The following PSKH1 variants were observed in gnomAD, a reference collection of about 807,000 sequenced individuals.
The protein encoded by PSKH1 is serine/threonine-protein kinase H1.
Under a neutral mutation model 26.7 loss-of-function variants are expected in PSKH1, and 12 were observed. The ratio of observed to expected loss-of-function variants is 0.45; its 90% CI spans 0.29 to 0.73. The LOEUF (loss-of-function observed/expected upper bound fraction) is 0.73, where lower values mean the gene tolerates loss of function less well. Among genes scored for constraint, PSKH1 ranks in the 30% least tolerant of loss-of-function variants. The probability of loss-of-function intolerance (pLI) is 0.11; values close to 1 mark genes in which losing one functional copy is unlikely to be tolerated. For missense variants in PSKH1, 431 were observed against 595.2 expected (o/e 0.72, Z 2.87); for synonymous variants, 213 against 234.3 (o/e 0.91, Z 0.83).
intron 1 of PSKH1, among the ~76,000 whole-genome samples, chr16:67,903,492 G>T (rs2151311025): frequency 6.6e-6 from 1 of 152,088 alleles, no homozygotes; most frequent in Admixed American, 6.6e-5. Flanking sequence ...TTTTGAGATG[G>T]AGTCTTGCTC....
In PSKH1 at chr16:67,908,723, G is replaced by A. The variant is rs747469567; in HGVS notation, c.-27G>A. The A allele has an allele frequency of 1.1e-5, 17 of 1,551,736 alleles. No individual in the cohort carries two copies. Among genetic ancestry groups the A allele is most frequent in the African/African-American group, 5.4e-5 (4 of 73,710 alleles). On this transcript the variant is annotated 5_prime_UTR_variant, in exon 2 of 3. Transcript: ENST00000291041. ...CTTCAGAGCAGGTCCTGCCAGCCTC[G>A]CTGGAGAGGATGCCCTCGTGTCCGT...
chr16:67,899,156 T>C (rs907055117), intron 1 of PSKH1, among the ~76,000 whole-genome samples: 5 of 152,260 alleles, frequency 3.3e-5, no homozygotes, highest in African/African-American at 1.2e-4. Flanking sequence ...CAAACTTACT[T>C]TGGCATTCAG....
At chr16:67,900,965 C>G (rs927498768) in intron 1 of PSKH1, among the ~76,000 whole-genome samples, 1 of 152,146 alleles carries the variant, frequency 6.6e-6, no homozygotes, top group Admixed American at 6.5e-5. Flanking sequence ...TTCCTAGGAG[C>G]TTTACCAGCC....
chr16:67,918,642 A>C (rs1156349645), intron 2 of PSKH1, among the ~76,000 whole-genome samples: 1 of 138,992 alleles, frequency 7.2e-6, no homozygotes, highest in Admixed American at 7.6e-5. Flanking sequence ...CCCAGGCTGG[A>C]GTGCAGTGGT....
At chr16:67,923,611 G>A (rs1013270305) in intron 2 of PSKH1, among the ~76,000 whole-genome samples, 1 of 152,228 alleles carries the variant, frequency 6.6e-6, no homozygotes, top group East Asian at 1.9e-4. Context: ...TTCCCTCTGT[G>A]CCTCGTGCTC....
At chr16:67,905,072 C>T (rs976458946) in intron 1 of PSKH1, among the ~76,000 whole-genome samples, 4 of 151,566 alleles carry the variant, frequency 2.6e-5, no homozygotes, top group African/African-American at 4.9e-5. Flanking sequence ...ATGATCCACC[C>T]GCCTCGGCCT....
rs1326686509 is a variant in PSKH1 at position 67,908,833 on chromosome 16, T to C, written c.84T>C (p.Ser28=). The C allele has an allele frequency of 1.2e-6, 2 of 1,613,948 alleles. No individual in the cohort carries two copies. Among genetic ancestry groups the C allele is most frequent in the African/African-American group, 2.7e-5 (2 of 74,930 alleles). Residue 28 remains serine, a synonymous_variant, in exon 2 of 3, where the codon AGT becomes AGC. Coordinates refer to ENST00000291041, the MANE Select transcript of PSKH1 (RefSeq NM_006742.3). ...TGGTCAAGAAGGTGGAGCCCTTCAGTGGCACTAAGAGTGACGTGTACAAGC... is the reference window on the plus strand; with the variant it reads ...TGGTCAAGAAGGTGGAGCCCTTCAGCGGCACTAAGAGTGACGTGTACAAGC... ...LDLVKKVEPF[S]GTKSDVYKHF...
intron 2 of PSKH1, among the ~76,000 whole-genome samples, chr16:67,915,917 G>T (rs1567400732): frequency 1.3e-5 from 2 of 152,338 alleles, no homozygotes; most frequent in South Asian, 2.1e-4. Context: ...TATCCCTAGA[G>T]GTTGAGATTG....
At position 67,928,484 on chromosome 16, in the gene PSKH1, G is replaced by A. The variant is rs1265041923; in HGVS notation, c.*842G>A. The A allele has an allele frequency of 6.6e-6, 1 of 152,662 alleles. No individual in the cohort carries two copies. The highest frequency in any genetic ancestry group is 1.5e-5 in the Non-Finnish European group (1 of 68,050). 9.5% of individuals were successfully genotyped at this position (152,662 alleles called of 1,614,324 possible). A position where few individuals can be genotyped will look rare whatever the true frequency, so the allele number is the denominator to read the frequency against. ...TCCTTCCCAACTGGGGGTGGTTAAA[G>A]GGAGCCCCACTGCTGCTACCTGGGG... On this transcript the variant is annotated 3_prime_UTR_variant, in exon 3 of 3. Transcript: ENST00000291041. This position sits in a 1 kb window ranked among gnomAD's most constrained non-coding sequence, Gnocchi z 4.8.
chr16:67,921,680 T>C (rs992629206), intron 2 of PSKH1, among the ~76,000 whole-genome samples: 4 of 152,080 alleles, frequency 2.6e-5, no homozygotes, highest in African/African-American at 7.2e-5. Flanking sequence ...ATAAAAGAGA[T>C]CACGCTGCAG....
At chr16:67,914,083 G>C (rs1468942770) in intron 2 of PSKH1, among the ~76,000 whole-genome samples, 2 of 152,192 alleles carry the variant, frequency 1.3e-5, no homozygotes, top group African/African-American at 2.4e-5. Context: ...GACCCTGCAG[G>C]GTACTTGGGA....
Position 67,927,446 on chromosome 16 carries a change from C to A in PSKH1, c.1079C>A (p.Ala360Asp), listed in dbSNP as rs1273563995. 6.2e-7 allele frequency: 1 copy of A among 1,614,112 alleles called. No homozygotes were observed. Among genetic ancestry groups the A allele is most frequent in the Non-Finnish European group, 8.5e-7 (1 of 1,180,046 alleles). The change falls in exon 3 of 3, where the codon GCC becomes GAC. Residue 360 changes from alanine (A) to aspartate (D), a missense_variant. Ala to Asp is a moderately radical substitution (Grantham distance 126). Transcript: ENST00000291041. This position sits in a 1 kb window ranked among gnomAD's most constrained non-coding sequence, Gnocchi z 5.5. ...CACCCGTGGGTGGTGAGCATGGCTG[C>A]CTCTTCATCCATGAAGAACCTGCAC... ...LRHPWVVSMA[A>D]SSSMKNLHRS...
At position 67,927,327 on chromosome 16, in the gene PSKH1, C is replaced by T. The variant is rs763505814; in HGVS notation, c.960C>T (p.Pro320=). ...TAATGCTTGTCCTTGGTCTCTAGCC[C>T]TGGCCTAGTGTGTCCAACCTGGCCA... ...LRGKYSYSGE[P]WPSVSNLAKD... The change falls in exon 3 of 3, where the codon CCC becomes CCT. Residue 320 remains proline (P), a splice_region_variant and synonymous_variant. Coordinates refer to ENST00000291041, the MANE Select transcript of PSKH1 (RefSeq NM_006742.3). This position sits in a 1 kb window ranked among gnomAD's most constrained non-coding sequence, Gnocchi z 5.5. The T allele has an allele frequency of 1.7e-5, 27 of 1,605,340 alleles. No homozygotes were observed. The highest frequency in any genetic ancestry group is 2.3e-5 in the Non-Finnish European group (27 of 1,173,702).
intron 2 of PSKH1, among the ~76,000 whole-genome samples, chr16:67,922,393 C>G (rs2058205068): frequency 6.6e-6 from 1 of 152,130 alleles, no homozygotes; most frequent in Non-Finnish European, 1.5e-5. Flanking sequence ...GAAAATACAT[C>G]TTGAAATAGA....
At chr16:67,904,278 C>T (rs902592478) in intron 1 of PSKH1, among the ~76,000 whole-genome samples, 5 of 151,850 alleles carry the variant, frequency 3.3e-5, no homozygotes, top group South Asian at 2.1e-4. Context: ...CTTGGTGGCT[C>T]GCTGCAACCT....
chr16:67,927,702 C>A lies in PSKH1; in HGVS notation c.*60C>A. ...GCCTGGCCACACACTGTGGTGCCAT[C>A]TGGGTCCGATGCCCTCTCTGGAGAT... On this transcript the variant is annotated 3_prime_UTR_variant, in exon 3 of 3. Coordinates refer to ENST00000291041, the MANE Select transcript of PSKH1 (RefSeq NM_006742.3). The surrounding 1 kb of genome is among the most constrained non-coding windows in gnomAD (Gnocchi z 5.5). 1 of 1,518,632 alleles carries A rather than the reference C, an allele frequency of 6.6e-7. No individual in the cohort carries two copies. The highest frequency in any genetic ancestry group is 2.4e-5 in the East Asian group (1 of 42,518). 94.1% of individuals were successfully genotyped at this position (1,518,632 alleles called of 1,614,324 possible).
intron 2 of PSKH1, among the ~76,000 whole-genome samples, chr16:67,912,690 G>C (rs1338557361): frequency 1.3e-5 from 2 of 152,170 alleles, no homozygotes; most frequent in African/African-American, 4.8e-5. Flanking sequence ...CCAACATGGT[G>C]AAACCCCGTC....
At position 67,908,794 on chromosome 16, in the gene PSKH1, T is replaced by C; in HGVS notation, c.45T>C (p.Asp15=). ...AGGTCCTTCCCGAGCCACCCAAGGA[T>C]GTCCAGCTGGATCTGGTCAAGAAGG... ...TSKVLPEPPK[D]VQLDLVKKVE... Residue 15 remains aspartate, a synonymous_variant, in exon 2 of 3, where the codon GAT becomes GAC. Coordinates refer to ENST00000291041, the MANE Select transcript of PSKH1 (RefSeq NM_006742.3). 1 of 1,610,124 alleles carries C rather than the reference T, an allele frequency of 6.2e-7. No homozygotes were observed.
intron 2 of PSKH1, among the ~76,000 whole-genome samples, chr16:67,926,932 C>T (rs2151315695): frequency 6.6e-6 from 1 of 152,298 alleles, no homozygotes; most frequent in African/African-American, 2.4e-5. Flanking sequence ...TGATCCTGGT[C>T]ATCCAGAGAT....
Sources: gnomAD v4.1 joint callset for allele counts (sites outside exome capture counted in the v4.1 genomes callset) on GRCh38, gnomAD v4.1.1 for gene constraint, Gnocchi (gnomAD v3.1) non-coding constraint, MANE v1.5 for transcripts, NCBI Gene and HGNC (gene_info 2026-07-23, HGNC 2026-07-21) for gene names.